SLC22A25: variants seen among roughly 807,000 people sequenced by gnomAD.
SLC22A25 encodes the protein solute carrier family 22 member 25, also known as MGI:2442751, MGI:2385316, MGI:3042283, MGI:3645714, MGI:3605624, MGI:2442750.
A neutral mutation model predicts 45.9 loss-of-function variants in SLC22A25; 44 were observed. The ratio of observed to expected loss-of-function variants is 0.96; its 90% CI spans 0.75 to 1.23. The LOEUF (loss-of-function observed/expected upper bound fraction) is 1.23. Ranked by LOEUF, SLC22A25 falls within the 50% of genes most tolerant of loss-of-function variation. The pLI, the probability that SLC22A25 is intolerant of heterozygous loss-of-function variation, is 0.00. For synonymous variants in SLC22A25, 283 were observed against 238.6 expected (o/e 1.19, Z -1.72); for missense variants, 800 against 666.4 (o/e 1.20, Z -2.21).
intron 7 of SLC22A25, among the ~76,000 whole-genome samples, chr11:63,188,258 C>T (rs985001380): frequency 3.9e-5 from 6 of 152,150 alleles, no homozygotes; most frequent in African/African-American, 1.4e-4. Context: ...TCAACTTCTT[C>T]CTGGTTTAGT....
chr11:63,163,345 TTAGA>T lies in SLC22A25; in HGVS notation c.*475_*478del, dbSNP rs2087569082. ...CAACGCTTTTTTTCCCCCGTGAAAA[TTAGA>T]TAGACTGAATCTCACATGTGATACA... On this transcript the variant is annotated 3_prime_UTR_variant, in exon 12 of 12. Coordinates refer to ENST00000306494, the MANE Select transcript of SLC22A25 (RefSeq NM_199352.6). 6.6e-6 allele frequency among the ~76,000 whole-genome samples: 1 copy of T among 152,166 alleles called. No individual in the cohort carries two copies. The highest frequency in any genetic ancestry group is 6.5e-5 in the Admixed American group (1 of 15,270).
intron 7 of SLC22A25, among the ~76,000 whole-genome samples, chr11:63,204,384 A>G (rs2089336869): frequency 6.6e-6 from 1 of 152,216 alleles, no homozygotes; most frequent in Admixed American, 6.5e-5. Flanking sequence ...AAGAGTCAAG[A>G]CCCATCTGTG....
intron 7 of SLC22A25, among the ~76,000 whole-genome samples, chr11:63,190,146 A>G (rs1308660085): frequency 6.6e-6 from 1 of 152,206 alleles, no homozygotes; most frequent in Admixed American, 6.5e-5. Context: ...GTGTTTTCCA[A>G]CTTCATTCCA....
intron 7 of SLC22A25, among the ~76,000 whole-genome samples, chr11:63,194,821 C>T (rs1041799859): frequency 1.4e-5 from 2 of 143,124 alleles, no homozygotes; most frequent in African/African-American, 5.1e-5. Flanking sequence ...GGAGACCCAT[C>T]TCATGTGCAG....
chr11:63,175,897 C>A (rs999944912), intron 9 of SLC22A25, among the ~76,000 whole-genome samples: 3 of 151,868 alleles, frequency 2.0e-5, no homozygotes, highest in African/African-American at 7.3e-5. Flanking sequence ...CCTGATAGCA[C>A]AGTAAAATGA....
At chr11:63,176,261 G>A (rs1034581377) in intron 9 of SLC22A25, among the ~76,000 whole-genome samples, 9 of 151,866 alleles carry the variant, frequency 5.9e-5, no homozygotes, top group Admixed American at 1.3e-4. Context: ...AAATAATGCC[G>A]CTGAGATTTT....
intron 7 of SLC22A25, among the ~76,000 whole-genome samples, chr11:63,200,386 C>A (rs2089201232): frequency 6.6e-6 from 1 of 150,496 alleles, no homozygotes; most frequent in Non-Finnish European, 1.5e-5. Flanking sequence ...ATCACATAAA[C>A]AGAACTAAAG....
chr11:63,204,266 C>A (rs1242894803), intron 7 of SLC22A25, among the ~76,000 whole-genome samples: 1 of 152,126 alleles, frequency 6.6e-6, no homozygotes, highest in East Asian at 1.9e-4. Context: ...GGCAAAATAA[C>A]CAGCTAGCAT....
intron 7 of SLC22A25, among the ~76,000 whole-genome samples, chr11:63,212,317 A>C (rs1344550075): frequency 6.6e-6 from 1 of 152,120 alleles, no homozygotes; most frequent in African/African-American, 2.4e-5. Flanking sequence ...CCATTACTGG[A>C]TATATACTCA....
At position 63,243,484 on chromosome 11, in the gene SLC22A25, C is replaced by T. The variant is rs1565135182; in HGVS notation, c.-1046G>A. ...CAACTTCAAAGTCCCATCTGCAACT[C>T]CTGGGTGCTGTCTGCATGTTCCTGG... is the stretch of plus-strand genomic sequence containing the variant. On this transcript the variant is annotated 5_prime_UTR_variant, in exon 1 of 12. Transcript: ENST00000306494. The T allele has an allele frequency of 2.6e-6, 2 of 763,320 alleles. No homozygotes were observed. Among genetic ancestry groups the T allele is most frequent in the Non-Finnish European group, 4.9e-6 (2 of 407,944 alleles). The allele number at this position is 763,320 out of a possible 1,614,324, so 47.3% of individuals were successfully genotyped here. A position where few individuals can be genotyped will look rare whatever the true frequency, so the allele number is the denominator to read the frequency against.
intron 9 of SLC22A25, among the ~76,000 whole-genome samples, chr11:63,175,832 T>C (rs1429056219): frequency 6.6e-6 from 1 of 151,866 alleles, no homozygotes; most frequent in Non-Finnish European, 1.5e-5. Flanking sequence ...TGTGTATATA[T>C]ATATATACAC....
intron 9 of SLC22A25, chr11:63,166,711 T>G (rs1490820136): frequency 2.0e-6 from 2 of 996,596 alleles, no homozygotes; most frequent in African/African-American, 3.5e-5. Context: ...TACTAAAATG[T>G]ACAACTTATT....
chr11:63,218,070 C>A lies in SLC22A25; in HGVS notation c.507-335G>T. Reference sequence around the variant, plus strand: ...GACAAATTGTTCTACCAAAAAGATACACGCACTCACATGTTCATTGAAGCA... The same window carrying A: ...GACAAATTGTTCTACCAAAAAGATAAACGCACTCACATGTTCATTGAAGCA... On this transcript the variant is annotated intron_variant, in intron 5 of 11. Coordinates refer to ENST00000306494, the MANE Select transcript of SLC22A25 (RefSeq NM_199352.6). 5.9e-6 allele frequency: 3 copies of A among 510,490 alleles called. 1 individual carries two copies. The allele number at this position is 510,490 out of a possible 1,614,324, so 31.6% of individuals were successfully genotyped here.
At chr11:63,233,146 C>T (rs984687668) in intron 3 of SLC22A25, among the ~76,000 whole-genome samples, 3 of 152,202 alleles carry the variant, frequency 2.0e-5, no homozygotes, top group Admixed American at 1.3e-4. Context: ...ATGCTGGCCT[C>T]ATAAAATGAG....
At chr11:63,180,856 TG>T (rs1356542875) in intron 8 of SLC22A25, 81 bp from the exon 9 acceptor site, 1 of 930,690 alleles carries the variant, frequency 1.1e-6, no homozygotes, top group African/African-American at 1.6e-5. Flanking sequence ...AACCAACAGA[TG>T]ACAAGATAGA....
intron 7 of SLC22A25, among the ~76,000 whole-genome samples, chr11:63,200,844 G>A (rs925874695): frequency 9.2e-5 from 14 of 152,108 alleles, no homozygotes; most frequent in South Asian, 2.1e-4. Flanking sequence ...AAAATCACTA[G>A]CATTCCTGTA....
rs756010790 is a variant in SLC22A25 at position 63,202,440 on chromosome 11, G to A, written c.830+14874C>T. ...ACTGCCAGCACAGCAGGCTGAAGTC[G>A]ACTTGGGACACTAGAGCTTGGTGAG... On this transcript the variant is annotated intron_variant, in intron 7 of 11. Transcript: ENST00000306494. 3.9e-5 allele frequency among the ~76,000 whole-genome samples: 6 copies of A among 152,288 alleles called. No homozygotes were observed. The East Asian group carries it at 7.7e-4, about 20-fold the overall frequency.
intron 7 of SLC22A25, among the ~76,000 whole-genome samples, chr11:63,191,310 A>C (rs529923105): frequency 6.6e-6 from 1 of 152,234 alleles, no homozygotes; most frequent in African/African-American, 2.4e-5. Context: ...TGTGCTAGCA[A>C]TGAGTGAGGC....
At chr11:63,233,627 C>T (rs1159764383) in intron 3 of SLC22A25, among the ~76,000 whole-genome samples, 1 of 152,144 alleles carries the variant, frequency 6.6e-6, no homozygotes, top group Non-Finnish European at 1.5e-5. Context: ...TTTTGTGTCT[C>T]TATCTCCTTC....
Sources: allele counts gnomAD v4.1 joint callset (sites outside exome capture counted in the v4.1 genomes callset), GRCh38; gene constraint gnomAD v4.1.1; transcripts MANE v1.5; gene names NCBI Gene and HGNC (gene_info 2026-07-23, HGNC 2026-07-21).